The following TSNARE1 variants were observed in gnomAD, a reference collection of about 807,000 sequenced individuals.
TSNARE1 encodes the protein t-SNARE domain containing 1.
In TSNARE1, 49 loss-of-function variants were observed where a neutral mutation model predicts 62.0. The ratio of observed to expected loss-of-function variants is 0.79; its 90% CI spans 0.63 to 1.00. TSNARE1 has a LOEUF of 1.00. Ranked by LOEUF, TSNARE1 falls within the 50% of genes least tolerant of loss-of-function variation. The pLI is 0.00. For missense variants in TSNARE1, 755 were observed against 700.1 expected (o/e 1.08, Z -0.88); for synonymous variants, 328 against 294.4 (o/e 1.11, Z -1.17).
chr8:142,312,924 C>A (rs1413768397), intron 9 of TSNARE1, among the ~76,000 whole-genome samples: 1 of 152,216 alleles, frequency 6.6e-6, no homozygotes, highest in Admixed American at 6.5e-5. Context: ...TCTGGGAATG[C>A]GTGCCTCTCT....
intron 12 of TSNARE1, among the ~76,000 whole-genome samples, chr8:142,252,893 A>G (rs1362088779): frequency 6.6e-6 from 1 of 151,952 alleles, no homozygotes; most frequent in Non-Finnish European, 1.5e-5. Context: ...CCACTGCCCT[A>G]GTGGGGCAGG....
At chr8:142,400,483 G>T (rs1838206720) in intron 1 of TSNARE1, among the ~76,000 whole-genome samples, 1 of 152,000 alleles carries the variant, frequency 6.6e-6, no homozygotes, top group Admixed American at 6.6e-5. Context: ...GCTCATGCCT[G>T]TAATCCCAGC....
rs1833035455 is a variant in TSNARE1, at chr8:142,344,212, T to C, written c.499A>G (p.Ile167Val). 6.2e-7 allele frequency: 1 copy of C among 1,613,574 alleles called. No homozygotes were observed. Among genetic ancestry groups the C allele is most frequent in the South Asian group, 1.1e-5 (1 of 91,074 alleles). ...CCCAGCGCATTCACGGCCTGCAGGA[T>C]GCGGCTCCACACGCGGTACCTGCGA... ...PTRRYRVWSRILQAVNALGYC... is the reference protein window; with the variant it reads ...PTRRYRVWSRVLQAVNALGYC... The change falls in exon 4 of 14, where the codon ATC becomes GTC. Residue 167 changes from isoleucine to valine, a missense_variant. By Grantham distance (29) the Ile-to-Val change is conservative. Coordinates refer to ENST00000524325, the MANE Select transcript of TSNARE1 (RefSeq NM_145003.5).
At chr8:142,357,036 G>A (rs902649752) in intron 1 of TSNARE1, among the ~76,000 whole-genome samples, 7 of 151,942 alleles carry the variant, frequency 4.6e-5, no homozygotes, top group African/African-American at 9.7e-5. Context: ...CAGGCAGAGC[G>A]GGGGCCTCCA....
chr8:142,373,297 C>T (rs1387757870), intron 1 of TSNARE1, among the ~76,000 whole-genome samples: 6 of 152,270 alleles, frequency 3.9e-5, no homozygotes, highest in South Asian at 2.1e-4. Context: ...GGTTCAGGCC[C>T]GGCCATGCTG....
chr8:142,355,896 G>C (rs1019345236), intron 1 of TSNARE1, among the ~76,000 whole-genome samples: 8 of 152,220 alleles, frequency 5.3e-5, no homozygotes, highest in African/African-American at 7.2e-5. Context: ...CCCAGAGCAG[G>C]GCAGCACCAG....
chr8:142,268,646 G>A (rs1278350455), intron 12 of TSNARE1, among the ~76,000 whole-genome samples: 2 of 152,210 alleles, frequency 1.3e-5, no homozygotes, highest in African/African-American at 4.8e-5. Context: ...AGCTTCTAAT[G>A]CAACGAAATG....
chr8:142,299,179 G>C (rs1238113440), intron 10 of TSNARE1, among the ~76,000 whole-genome samples: 1 of 152,208 alleles, frequency 6.6e-6, no homozygotes, highest in Non-Finnish European at 1.5e-5. Flanking sequence ...GTCAAAGTAG[G>C]GGGTTGCCAC....
intron 11 of TSNARE1, 65 bp downstream of exon 11, chr8:142,284,348 G>A (rs1822317942): frequency 3.0e-6 from 4 of 1,352,798 alleles, no homozygotes; most frequent in Admixed American, 3.4e-5. Context: ...GAAGGGGTGA[G>A]GGCTGGGGGC....
intron 12 of TSNARE1, among the ~76,000 whole-genome samples, chr8:142,238,125 T>C (rs1227245895): frequency 6.7e-6 from 1 of 149,908 alleles, no homozygotes; most frequent in African/African-American, 2.4e-5. Context: ...CCCTCCACCC[T>C]GCACCCCTGT....
chr8:142,343,830 A>AGAGGAGGAGGGGC, intron 4 of TSNARE1, 136 bp downstream of exon 4: 1 of 362,400 alleles, frequency 2.8e-6, no homozygotes, highest in Non-Finnish European at 3.8e-6. Flanking sequence ...GGAGGAGGGG[A>AGAGGAGGAGGGGC]GAGGGGAAGG....
rs138860017 is a variant in TSNARE1, at chr8:142,322,986, G to A, written c.894-4352C>T. 3.8e-3 allele frequency among the ~76,000 whole-genome samples: 573 copies of A among 151,542 alleles called. 1 individual carries two copies. Among genetic ancestry groups the A allele is most frequent in the Non-Finnish European group, 4.5e-3 (305 of 67,870 alleles). ...GACAACGATACTATTATGAAAGGCCGGTCTGGCCGTGTCTGTGGGCTGGAT... is the reference window on the plus strand; with the variant it reads ...GACAACGATACTATTATGAAAGGCCAGTCTGGCCGTGTCTGTGGGCTGGAT... On this transcript the variant is annotated intron_variant, in intron 6 of 13. Transcript: ENST00000524325.
chr8:142,229,127 T>TTGACAGTG (rs1816972704), intron 13 of TSNARE1, among the ~76,000 whole-genome samples: 4 of 144,690 alleles, frequency 2.8e-5, no homozygotes, highest in African/African-American at 5.2e-5. Context: ...GATAAATGGA[T>TTGACAGTG]GGTGGGTGGA....
rs1825609106 is a variant in TSNARE1 at position 142,300,795 on chromosome 8, C to G, written c.1132-151G>C. On this transcript the variant is annotated intron_variant, in intron 9 of 13. Transcript: ENST00000524325. ...CTGGGTCTGAGGCGGGGGCCTTCTG[C>G]GGCCACGAGCCTGTCACTGGGCATC... 5 of 949,562 alleles carry G rather than the reference C, an allele frequency of 5.3e-6. No homozygotes were observed. In the East Asian group the frequency reaches 1.4e-4, roughly 26 times the overall value. 58.8% of individuals were successfully genotyped at this position (949,562 alleles called of 1,614,324 possible).
At chr8:142,238,703 A>ACATGCACACCTG (rs1418596183) in intron 12 of TSNARE1, among the ~76,000 whole-genome samples, 1 of 116,882 alleles carries the variant, frequency 8.6e-6, no homozygotes, top group African/African-American at 3.6e-5. Flanking sequence ...GCTCACTTGC[A>ACATGCACACCTG]CATGCACACC....
intron 4 of TSNARE1, among the ~76,000 whole-genome samples, chr8:142,342,157 G>T (rs1364341578): frequency 6.6e-6 from 1 of 152,268 alleles, no homozygotes; most frequent in East Asian, 1.9e-4. Context: ...GTGCCAAGAG[G>T]AAGGGCTGCC....
At chr8:142,306,618 C>T (rs980054070) in intron 9 of TSNARE1, among the ~76,000 whole-genome samples, 4 of 152,244 alleles carry the variant, frequency 2.6e-5, no homozygotes, top group East Asian at 3.8e-4. Flanking sequence ...AAGTGCCCCT[C>T]GCACCTGCCA....
chr8:142,350,018 CCAGGGCAGG>C (rs1273074920), intron 2 of TSNARE1, among the ~76,000 whole-genome samples: 1 of 124,040 alleles, frequency 8.1e-6, no homozygotes, highest in African/African-American at 3.2e-5. Flanking sequence ...AAGGCTGGGA[CCAGGGCAGG>C]CAGGGCGGGC....
intron 1 of TSNARE1, among the ~76,000 whole-genome samples, chr8:142,366,541 G>A (rs540156250): frequency 8.2e-4 from 125 of 152,270 alleles, no homozygotes; most frequent in African/African-American, 2.8e-3. Flanking sequence ...GACCTACAGG[G>A]AAAAGCTGGT....
Sources: gnomAD v4.1 joint callset for allele counts (sites outside exome capture counted in the v4.1 genomes callset) on GRCh38, gnomAD v4.1.1 for gene constraint, MANE v1.5 for transcripts, NCBI Gene and HGNC (gene_info 2026-07-23, HGNC 2026-07-21) for gene names.